ROBO1: variants seen among roughly 807,000 people sequenced by gnomAD.
ROBO1 encodes roundabout homolog 1.
Under a neutral mutation model 195.9 loss-of-function variants are expected in ROBO1, and 149 were observed. The observed-to-expected ratio is 0.76, with a 90% CI of 0.67 to 0.87. ROBO1 has a LOEUF of 0.87. Among genes scored for constraint, ROBO1 ranks in the 40% least tolerant of loss-of-function variants. The pLI, the probability that ROBO1 is intolerant of heterozygous loss-of-function variation, is 0.00. For missense variants in ROBO1, 1,933 were observed against 2,068.3 expected (o/e 0.93, Z 1.27); for synonymous variants, 816 against 733.2 (o/e 1.11, Z -1.82).
chr3:78,651,714 C>G lies in ROBO1; in HGVS notation c.2812+18G>C. ...TTTTATAAACATTAAAATATGAAAA[C>G]CTTGGGAAAGCTAATACCTTTTCTG... On this transcript the variant is annotated intron_variant, in intron 19 of 30. Transcript: ENST00000464233. The G allele has an allele frequency of 6.6e-7, 1 of 1,519,556 alleles. No individual in the cohort carries two copies. The highest frequency in any genetic ancestry group is 2.4e-5 in the East Asian group (1 of 41,634). 94.1% of individuals were successfully genotyped at this position (1,519,556 alleles called of 1,614,324 possible).
intron 8 of ROBO1, among the ~76,000 whole-genome samples, chr3:78,703,812 T>TAC (rs988072075): frequency 1.8e-4 from 19 of 106,682 alleles, no homozygotes; most frequent in South Asian, 3.0e-4. Context: ...ACCACCATTT[T>TAC]ACACACACAC....
chr3:79,689,360 C>T (rs1947232870), intron 1 of ROBO1, among the ~76,000 whole-genome samples: 1 of 151,982 alleles, frequency 6.6e-6, no homozygotes, highest in Non-Finnish European at 1.5e-5. Flanking sequence ...ACCTTAGAAA[C>T]AAACGCTGGG....
intron 8 of ROBO1, 32 bp from the exon 9 acceptor site, chr3:78,688,804 A>T (rs765636157): frequency 3.8e-6 from 6 of 1,590,488 alleles, no homozygotes; most frequent in African/African-American, 2.7e-5. Flanking sequence ...ACACCGAATT[A>T]AAAGCACGTT....
At chr3:78,743,596 T>C (rs2082584080) in intron 5 of ROBO1, among the ~76,000 whole-genome samples, 1 of 150,206 alleles carries the variant, frequency 6.7e-6, no homozygotes, top group Middle Eastern at 3.5e-3. Flanking sequence ...GGATATGCTA[T>C]GCTATATGTG....
chr3:79,728,894 A>C (rs1560137510), intron 1 of ROBO1, among the ~76,000 whole-genome samples: 2 of 152,160 alleles, frequency 1.3e-5, no homozygotes, highest in African/African-American at 4.8e-5. Flanking sequence ...AACTCTTCAT[A>C]GACTATATAA....
chr3:78,837,713 G>A (rs2032863263), intron 4 of ROBO1, among the ~76,000 whole-genome samples: 1 of 151,750 alleles, frequency 6.6e-6, no homozygotes, highest in South Asian at 2.1e-4. Context: ...TTTCCTATAT[G>A]TACCAGTTAA....
At chr3:79,673,709 G>T (rs1254945752) in intron 1 of ROBO1, among the ~76,000 whole-genome samples, 1 of 151,886 alleles carries the variant, frequency 6.6e-6, no homozygotes. Context: ...GGTATTTTTG[G>T]CTTTTTAATT....
At chr3:79,675,614 T>C (rs1946761121) in intron 1 of ROBO1, among the ~76,000 whole-genome samples, 1 of 152,044 alleles carries the variant, frequency 6.6e-6, no homozygotes, top group African/African-American at 2.4e-5. Context: ...TAATCAGTAC[T>C]AATAATTTAG....
At chr3:78,791,584 T>C (rs1444822919) in intron 4 of ROBO1, among the ~76,000 whole-genome samples, 1 of 152,148 alleles carries the variant, frequency 6.6e-6, no homozygotes, top group African/African-American at 2.4e-5. Context: ...TTACATTATT[T>C]CTTAAAAAGA....
At chr3:79,623,442 G>C (rs1945073350) in intron 1 of ROBO1, among the ~76,000 whole-genome samples, 2 of 152,156 alleles carry the variant, frequency 1.3e-5, no homozygotes, top group African/African-American at 4.8e-5. Flanking sequence ...AAGATGCTAA[G>C]AACATTGATA....
At chr3:79,159,873 T>C (rs556709796) in intron 2 of ROBO1, among the ~76,000 whole-genome samples, 190 of 152,120 alleles carry the variant, frequency 1.2e-3, no homozygotes, top group Non-Finnish European at 2.2e-3. Flanking sequence ...CAATGAGGCA[T>C]GATGAGGCTT....
chr3:79,608,353 T>C (rs1470895669), intron 1 of ROBO1, among the ~76,000 whole-genome samples: 1 of 151,986 alleles, frequency 6.6e-6, no homozygotes, highest in Non-Finnish European at 1.5e-5. Context: ...ATCACATCTC[T>C]CTTCCAAAGT....
At chr3:79,202,538 A>G (rs2081786384) in intron 2 of ROBO1, among the ~76,000 whole-genome samples, 1 of 151,978 alleles carries the variant, frequency 6.6e-6, no homozygotes, top group African/African-American at 2.4e-5. Flanking sequence ...AATCTACATA[A>G]AAAATCAGAA....
chr3:78,747,692 A>G (rs2082690480), intron 4 of ROBO1, among the ~76,000 whole-genome samples: 1 of 152,174 alleles, frequency 6.6e-6, no homozygotes. Context: ...AGGAAGAAAC[A>G]ATTCACTATT....
intron 3 of ROBO1, among the ~76,000 whole-genome samples, chr3:79,051,910 T>C (rs2078706699): frequency 6.6e-6 from 1 of 152,144 alleles, no homozygotes; most frequent in South Asian, 2.1e-4. Flanking sequence ...AATCCCATCA[T>C]CTTCCTAAGC....
At position 78,657,235 on chromosome 3, in the gene ROBO1, A is replaced by C; in HGVS notation, c.2477T>G (p.Ile826Ser). 6.2e-7 allele frequency: 1 copy of C among 1,613,744 alleles called. No individual in the cohort carries two copies. Among genetic ancestry groups the C allele is most frequent in the Non-Finnish European group, 8.5e-7 (1 of 1,179,772 alleles). ...GGTGGAACCATCCACTGTTTTGTTG[A>C]TGTGGTATCGAGTTTCATTGCCCAG... ...WCLGNETRYH[I>S]NKTVDGSTFS... is the part of the protein sequence containing the mutation. Residue 826 changes from isoleucine (I) to serine (S), a missense_variant, in exon 18 of 31, where the codon ATC becomes AGC. Ile to Ser is a moderately radical substitution (Grantham distance 142). This residue lies in a region of ROBO1 where 1,737 missense variants were observed against 1,882.5 expected (regional missense o/e 0.92). Transcript: ENST00000464233.
intron 3 of ROBO1, among the ~76,000 whole-genome samples, chr3:79,057,026 G>C (rs2078823077): frequency 6.6e-6 from 1 of 151,972 alleles, no homozygotes; most frequent in South Asian, 2.1e-4. Flanking sequence ...AAATTCACTT[G>C]GCTGATTTTA....
intron 2 of ROBO1, among the ~76,000 whole-genome samples, chr3:79,543,199 G>T (rs111719366): frequency 0.021 from 3,131 of 151,966 alleles, 129 homozygotes; most frequent in African/African-American, 0.071. Context: ...AATCACTTTG[G>T]GTAATATTTT....
chr3:78,733,971 C>T (rs2082337853), intron 5 of ROBO1, among the ~76,000 whole-genome samples: 1 of 152,152 alleles, frequency 6.6e-6, no homozygotes, highest in Non-Finnish European at 1.5e-5. Flanking sequence ...GTTATTTGAC[C>T]ATGTGTGTTC....
Sources: gnomAD v4.1 joint callset for allele counts (sites outside exome capture counted in the v4.1 genomes callset) on GRCh38, gnomAD v4.1.1 for gene constraint, gnomAD v4.1.1 regional missense constraint, MANE v1.5 for transcripts, NCBI Gene and HGNC (gene_info 2026-07-23, HGNC 2026-07-21) for gene names.